The following GCFC2 variants were observed in gnomAD, a reference collection of about 807,000 sequenced individuals.
GCFC2 encodes the protein GC-rich sequence DNA-binding factor 2, also known as intron Large complex component GCFC2.
Under a neutral mutation model 99.4 loss-of-function variants are expected in GCFC2, and 102 were observed. The ratio of observed to expected loss-of-function variants is 1.03; its 90% CI spans 0.87 to 1.21. The LOEUF (loss-of-function observed/expected upper bound fraction) is 1.21, where lower values mean the gene tolerates loss of function less well. Ranked by LOEUF, GCFC2 falls within the 50% of genes most tolerant of loss-of-function variation. The probability of loss-of-function intolerance (pLI) is 0.00; values close to 1 mark genes in which losing one functional copy is unlikely to be tolerated. For missense variants in GCFC2, 973 were observed against 920.9 expected, an observed-to-expected ratio of 1.06 and a Z score of -0.73; for synonymous variants, 338 against 316.8, an observed-to-expected ratio of 1.07 and a Z score of -0.71.
intron 13 of GCFC2, among the ~76,000 whole-genome samples, chr2:75,672,950 T>C (rs1263087480): frequency 6.6e-6 from 1 of 152,208 alleles, no homozygotes; most frequent in East Asian, 1.9e-4. Flanking sequence ...TTTATGTAAG[T>C]CACTGAGAAA....
At chr2:75,667,038 G>A (rs1481652905) in intron 15 of GCFC2, among the ~76,000 whole-genome samples, 1 of 152,098 alleles carries the variant, frequency 6.6e-6, no homozygotes, top group Non-Finnish European at 1.5e-5. Context: ...AAGCTTTCTC[G>A]AGAGTCTTGG....
intron 3 of GCFC2, 118 bp downstream of exon 3, chr2:75,702,081 A>T (rs887496163): frequency 1.2e-5 from 18 of 1,469,926 alleles, no homozygotes; most frequent in Admixed American, 4.7e-5. Flanking sequence ...AATCGATGTT[A>T]AAAACCATTA....
Position 75,690,066 on chromosome 2 carries a change from T to G in GCFC2, c.1242A>C (p.Gln414His). ...TACAATTCCCAGAAAGCACCCTTGCTTGTCTTCTTTTTGTCCTATATTTTG... is the reference window on the plus strand; with the variant it reads ...TACAATTCCCAGAAAGCACCCTTGCGTGTCTTCTTTTTGTCCTATATTTTG... ...EIESRRTKRR[Q>H]ARVLSGNCNH... Residue 414 changes from glutamine to histidine, a missense_variant, in exon 9 of 17, where the codon CAA (glutamine) becomes CAC (histidine). Transcript: ENST00000321027. The G allele has an allele frequency of 1.9e-6, 3 of 1,601,656 alleles. No individual in the cohort carries two copies. Among genetic ancestry groups the G allele is most frequent in the Non-Finnish European group, 2.6e-6 (3 of 1,171,482 alleles).
intron 11 of GCFC2, among the ~76,000 whole-genome samples, chr2:75,684,871 C>T (rs1679741820): frequency 6.6e-6 from 1 of 152,170 alleles, no homozygotes; most frequent in Non-Finnish European, 1.5e-5. Context: ...GAATACTATG[C>T]AGCCATAAAA....
At chr2:75,685,844 T>A (rs372002902) in intron 11 of GCFC2, among the ~76,000 whole-genome samples, 1 of 152,182 alleles carries the variant, frequency 6.6e-6, no homozygotes, top group South Asian at 2.1e-4. Flanking sequence ...TGAGCTGCTA[T>A]GCTAATACAG....
At chr2:75,689,308 G>A (rs184260511) in intron 9 of GCFC2, 83 bp from the exon 10 acceptor site, 19 of 680,712 alleles carry the variant, frequency 2.8e-5, no homozygotes, top group African/African-American at 2.4e-4. Context: ...ATGATGGACT[G>A]TAATCAATTG....
intron 2 of GCFC2, among the ~76,000 whole-genome samples, chr2:75,703,139 A>T (rs1223932184): frequency 6.6e-6 from 1 of 152,160 alleles, no homozygotes; most frequent in African/African-American, 2.4e-5. Flanking sequence ...AACTCTTCCA[A>T]TTTAAAACGA....
In GCFC2 at chr2:75,687,819, AGCAG is replaced by A. The variant is rs1165788901; in HGVS notation, c.1690+4_1690+7del. ...TAATTTAATTTTACCAAGGTTACGA[AGCAG>A]TACCTGTAAGTCGGGGAATAATTGT... On this transcript the variant is annotated splice_donor_5th_base_variant and intron_variant, in intron 11 of 16. Transcript: ENST00000321027. 1 of 1,595,848 alleles carries A rather than the reference AGCAG, an allele frequency of 6.3e-7. No homozygotes were observed. The highest frequency in any genetic ancestry group is 1.1e-5 in the South Asian group (1 of 88,124).
At chr2:75,665,254 C>A (rs1678784523) in intron 16 of GCFC2, among the ~76,000 whole-genome samples, 1 of 152,028 alleles carries the variant, frequency 6.6e-6, no homozygotes, top group African/African-American at 2.4e-5. Context: ...CAGGCTCAAG[C>A]AATCTTCCCA....
chr2:75,681,343 C>T (rs974426171), intron 11 of GCFC2, among the ~76,000 whole-genome samples: 2 of 149,338 alleles, frequency 1.3e-5, no homozygotes, highest in Admixed American at 1.3e-4. Context: ...GAATTCTCTC[C>T]CTTATCTAAG....
chr2:75,677,463 A>T (rs1679393128), intron 12 of GCFC2, among the ~76,000 whole-genome samples: 1 of 152,230 alleles, frequency 6.6e-6, no homozygotes, highest in Non-Finnish European at 1.5e-5. Context: ...CAATGTGTAG[A>T]CATTTTTGGT....
In GCFC2 at chr2:75,670,259, T is replaced by C. The variant is rs1679035752; in HGVS notation, c.1982A>G (p.Asn661Ser). The C allele has an allele frequency of 6.2e-7, 1 of 1,606,206 alleles. No homozygotes were observed. The highest frequency in any genetic ancestry group is 8.5e-7 in the Non-Finnish European group (1 of 1,173,104). The change falls in exon 15 of 17, where the codon AAT becomes AGT. Residue 661 changes from asparagine to serine, a missense_variant. Asn to Ser is a conservative substitution (Grantham distance 46). Coordinates refer to ENST00000321027, the MANE Select transcript of GCFC2 (RefSeq NM_003203.5). ...CAAGGTGTCATCTGTAAGGAGTCCA[T>C]TCCAAAGAAGAATATTGCGGAAGAG... Reference protein sequence around the residue: ...LKLFRNILLWNGLLTDDTLQE... With the variant: ...LKLFRNILLWSGLLTDDTLQE...
At chr2:75,698,664 G>GTT (rs1680439549) in intron 4 of GCFC2, among the ~76,000 whole-genome samples, 2 of 152,112 alleles carry the variant, frequency 1.3e-5, no homozygotes, top group African/African-American at 4.8e-5. Flanking sequence ...GGGAAAAACC[G>GTT]TAATACTCAA....
chr2:75,688,193 T>C (rs1221054249), intron 10 of GCFC2, among the ~76,000 whole-genome samples: 2 of 152,198 alleles, frequency 1.3e-5, no homozygotes, highest in Admixed American at 1.3e-4. Context: ...CTGCATTTCA[T>C]GCATTCAATC....
At position 75,696,216 on chromosome 2, in the gene GCFC2, T is replaced by C; in HGVS notation, c.817A>G (p.Lys273Glu). 1 of 1,302,320 alleles carries C rather than the reference T, an allele frequency of 7.7e-7. No homozygotes were observed. Among genetic ancestry groups the C allele is most frequent in the Non-Finnish European group, 1.1e-6 (1 of 898,630 alleles). The allele number at this position is 1,302,320 out of a possible 1,614,324, so 80.7% of individuals were successfully genotyped here. A position where few individuals can be genotyped will look rare whatever the true frequency, so the allele number is the denominator to read the frequency against. ...ATTGCTCACCTAGTATTTAATTGCT[T>C]CTTTATAATTTCTAAATTTACTGGC... is the stretch of plus-strand genomic sequence containing the variant. Reference protein sequence around the residue: ...FPPVNLEIIKKQLNTRLTLLQ... With the variant: ...FPPVNLEIIKEQLNTRLTLLQ... The change falls in exon 5 of 17, where the codon AAG (lysine) becomes GAG (glutamate). Residue 273 changes from lysine (K) to glutamate (E), a missense_variant. By Grantham distance (56) the Lys-to-Glu change is moderately conservative (BLOSUM62 1). Coordinates refer to ENST00000321027, the MANE Select transcript of GCFC2 (RefSeq NM_003203.5).
chr2:75,677,604 ACTGAAAACC>A (rs573860926), intron 12 of GCFC2, among the ~76,000 whole-genome samples: 3 of 152,224 alleles, frequency 2.0e-5, no homozygotes, highest in Non-Finnish European at 4.4e-5. Flanking sequence ...TAGTGCTGAG[ACTGAAAACC>A]CTGATGTAAT....
At chr2:75,683,771 C>CAAAAAAAAAAAAAAAAAA (rs749580096) in intron 11 of GCFC2, among the ~76,000 whole-genome samples, 38 of 60,356 alleles carry the variant, frequency 6.3e-4, no homozygotes, top group African/African-American at 1.1e-3. Flanking sequence ...AAATGGAAAG[C>CAAAAAAAAAAAAAAAAAA]AAAAAAAAAA....
chr2:75,701,577 A>T (rs1331230839), intron 3 of GCFC2, among the ~76,000 whole-genome samples: 3 of 152,304 alleles, frequency 2.0e-5, no homozygotes, highest in Admixed American at 6.5e-5. Flanking sequence ...CACTCAAAAC[A>T]CTATAGCCCT....
In GCFC2 at chr2:75,694,259, A is replaced by C. The variant is rs1680208270; in HGVS notation, c.1002T>G (p.Ile334Met). 5 of 1,002,486 alleles carry C rather than the reference A, an allele frequency of 5.0e-6. No homozygotes were observed. In the East Asian group the frequency reaches 1.3e-4, roughly 25 times the overall value. The allele number at this position is 1,002,486 out of a possible 1,614,324, so 62.1% of individuals were successfully genotyped here. A position where few individuals can be genotyped will look rare whatever the true frequency, so the allele number is the denominator to read the frequency against. ...TATGTACCTTTTCATTAAGGCAGTC[A>C]ATTAAATTTTCCACATAAATTTTCA... ...KSMKIYVENL[I>M]DCLNEKIINI... The change falls in exon 6 of 17, where the codon ATT (isoleucine) becomes ATG (methionine). Residue 334 changes from isoleucine (I) to methionine (M), a missense_variant. Coordinates refer to ENST00000321027, the MANE Select transcript of GCFC2 (RefSeq NM_003203.5).
Sources: allele counts gnomAD v4.1 joint callset (sites outside exome capture counted in the v4.1 genomes callset), GRCh38; gene constraint gnomAD v4.1.1; transcripts MANE v1.5; gene names NCBI Gene and HGNC (gene_info 2026-07-23, HGNC 2026-07-21).